Variants in VPS13B observed in about 807,000 individuals in gnomAD.
VPS13B encodes the protein vacuolar protein sorting 13 homolog B.
VPS13B carries 285 observed loss-of-function variants against 426.4 expected under a neutral mutation model. The observed-to-expected ratio is 0.67, with a 90% CI of 0.61 to 0.74. The LOEUF (loss-of-function observed/expected upper bound fraction) is 0.74, where lower values mean the gene tolerates loss of function less well. Among genes scored for constraint, VPS13B ranks in the 30% least tolerant of loss-of-function variants. VPS13B has a pLI of 0.00. For synonymous variants in VPS13B, 1,676 were observed against 1,676.4 expected (o/e 1.00, Z 0.01); for missense variants, 4,537 against 4,782.6 (o/e 0.95, Z 1.51).
At chr8:99,491,303 T>C (rs1250356326) in intron 25 of VPS13B, among the ~76,000 whole-genome samples, 2 of 152,210 alleles carry the variant, frequency 1.3e-5, no homozygotes, top group Non-Finnish European at 2.9e-5. Context: ...ATTTTTTCCT[T>C]CATTTCAACC....
chr8:99,086,252 G>A (rs1020285935), intron 3 of VPS13B, among the ~76,000 whole-genome samples: 1 of 151,864 alleles, frequency 6.6e-6, no homozygotes, highest in African/African-American at 2.4e-5. Flanking sequence ...TGATTGAATC[G>A]GCTACTGAGG....
chr8:99,491,190 C>CAGTTTCCATGT (rs1396877168), intron 25 of VPS13B, among the ~76,000 whole-genome samples: 1 of 152,202 alleles, frequency 6.6e-6, no homozygotes, highest in Non-Finnish European at 1.5e-5. Context: ...GCAGGTTGTT[C>CAGTTTCCATGT]AGTTTCCATG....
At chr8:99,153,276 A>G (rs1214674485) in intron 14 of VPS13B, among the ~76,000 whole-genome samples, 1 of 152,222 alleles carries the variant, frequency 6.6e-6, no homozygotes, top group African/African-American at 2.4e-5. Context: ...CTTTTAATTG[A>G]TGCATTTAGA....
At chr8:99,236,295 G>T (rs1273162248) in intron 17 of VPS13B, among the ~76,000 whole-genome samples, 1 of 151,798 alleles carries the variant, frequency 6.6e-6, no homozygotes, top group Non-Finnish European at 1.5e-5. Context: ...TGCTGCCCGG[G>T]CTGGAGTGCA....
At chr8:99,737,106 CTTTTTTTTTTTTT>C (rs386413466) in intron 39 of VPS13B, among the ~76,000 whole-genome samples, 46 of 44,378 alleles carry the variant, frequency 1.0e-3, no homozygotes, top group Admixed American at 1.7e-3. Context: ...AGATGTCCTT[CTTTTTTTTTTTTT>C]TTTTTTTTTT....
rs866610060 is a variant in VPS13B, at chr8:99,293,459, T to G, written c.2824+18205T>G. On this transcript the variant is annotated intron_variant, in intron 19 of 61. Transcript: ENST00000357162. ...AAACCCTAGAAGAAAACCTAGGCAT[T>G]ACCATTCAGGACATAGGCGTGGGCA... Among the ~76,000 whole-genome samples the G allele has an allele frequency of 5.4e-4, 58 of 107,978 alleles. 1 individual carries two copies. In the South Asian group the frequency reaches 0.013, roughly 25 times the overall value. 70.8% of individuals were successfully genotyped at this position (107,978 alleles called of 152,430 possible). A position where few individuals can be genotyped will look rare whatever the true frequency, so the allele number is the denominator to read the frequency against.
chr8:99,352,506 G>T (rs1024253637), intron 19 of VPS13B, among the ~76,000 whole-genome samples: 9 of 152,126 alleles, frequency 5.9e-5, no homozygotes, highest in Non-Finnish European at 1.3e-4. Context: ...AAATGTATAT[G>T]ACCAGGAAAA....
intron 20 of VPS13B, chr8:99,389,782 A>C (rs1015643438): frequency 6.6e-6 from 1 of 152,160 alleles, no homozygotes; most frequent in African/African-American, 2.4e-5. Context: ...ATTAATTTTA[A>C]TCCTGAACTT....
intron 33 of VPS13B, among the ~76,000 whole-genome samples, chr8:99,580,916 G>A (rs1193412377): frequency 6.6e-6 from 1 of 150,766 alleles, no homozygotes; most frequent in Non-Finnish European, 1.5e-5. Context: ...GCCAAGGTGC[G>A]GGCAGATCAC....
At chr8:99,384,369 T>A in intron 20 of VPS13B, 52 bp downstream of exon 20, 1 of 1,392,522 alleles carries the variant, frequency 7.2e-7, no homozygotes, top group African/African-American at 1.4e-5. Flanking sequence ...TTCTTATTCA[T>A]TTAGTAGAAT....
chr8:99,296,879 G>T lies in VPS13B; in HGVS notation c.2824+21625G>T, dbSNP rs568013843. Among the ~76,000 whole-genome samples, 4 of 152,200 alleles carry T rather than the reference G, an allele frequency of 2.6e-5. No homozygotes were observed. The East Asian group carries it at 7.7e-4, about 29-fold the overall frequency. On this transcript the variant is annotated intron_variant, in intron 19 of 61. Coordinates refer to ENST00000357162, the MANE Select transcript of VPS13B (RefSeq NM_152564.5). The stretch of plus-strand genomic sequence containing the variant: ...AGGCATCTTGATCTTGGACTCCCTA[G>T]GTTCCAGAACTGTGAGAAATAAAGT...
chr8:99,351,636 G>A (rs1811902643), intron 19 of VPS13B, among the ~76,000 whole-genome samples: 1 of 151,968 alleles, frequency 6.6e-6, no homozygotes, highest in Non-Finnish European at 1.5e-5. Context: ...TTTTTGCATA[G>A]CGTTTCATTT....
At chr8:99,519,788 C>T (rs1027266024) in intron 29 of VPS13B, among the ~76,000 whole-genome samples, 2 of 122,276 alleles carry the variant, frequency 1.6e-5, no homozygotes, top group African/African-American at 6.5e-5. Flanking sequence ...ACATCATACA[C>T]CGGGGCCTGT....
intron 15 of VPS13B, among the ~76,000 whole-genome samples, chr8:99,161,774 C>T (rs1811669439): frequency 6.7e-6 from 1 of 150,330 alleles, no homozygotes; most frequent in Non-Finnish European, 1.5e-5. Context: ...ATTCTGTCAC[C>T]CAGGCTGGAG....
chr8:99,105,115 G>T (rs1161151427), intron 5 of VPS13B, among the ~76,000 whole-genome samples: 1 of 152,168 alleles, frequency 6.6e-6, no homozygotes, highest in Non-Finnish European at 1.5e-5. Flanking sequence ...TTATTATTAT[G>T]TGTTTTCTAA....
intron 3 of VPS13B, among the ~76,000 whole-genome samples, chr8:99,076,052 T>A (rs1011052230): frequency 6.6e-6 from 1 of 152,196 alleles, no homozygotes; most frequent in South Asian, 2.1e-4. Flanking sequence ...AGTTTTCGTA[T>A]GTTGTATTTC....
At chr8:99,735,927 G>T (rs1833808394) in intron 39 of VPS13B, among the ~76,000 whole-genome samples, 1 of 152,320 alleles carries the variant, frequency 6.6e-6, no homozygotes, top group South Asian at 2.1e-4. Context: ...AGAGCACCAT[G>T]TAGAGCCCTT....
intron 14 of VPS13B, among the ~76,000 whole-genome samples, chr8:99,152,734 T>C (rs1467966012): frequency 2.6e-5 from 4 of 152,258 alleles, no homozygotes; most frequent in Non-Finnish European, 4.4e-5. Flanking sequence ...TTTATCATTA[T>C]GTAATCCCTT....
chr8:99,304,736 G>GA (rs1227864742), intron 19 of VPS13B, among the ~76,000 whole-genome samples: 3 of 152,010 alleles, frequency 2.0e-5, no homozygotes, highest in Non-Finnish European at 2.9e-5. Context: ...TAATCCTAGG[G>GA]ATCATCCTAA....
Sources: gnomAD v4.1 joint callset for allele counts (sites outside exome capture counted in the v4.1 genomes callset) on GRCh38, gnomAD v4.1.1 for gene constraint, MANE v1.5 for transcripts, NCBI Gene and HGNC (gene_info 2026-07-23, HGNC 2026-07-21) for gene names.